Variants in C17orf67 observed in about 807,000 individuals in gnomAD.
C17orf67 encodes uncharacterized protein C17orf67.
C17orf67 carries 12 observed loss-of-function variants against 11.2 expected under a neutral mutation model. The ratio of observed to expected loss-of-function variants is 1.07; its 90% CI spans 0.68 to 1.73. The LOEUF is 1.73. Ranked by LOEUF, C17orf67 falls within the 40% of genes most tolerant of loss-of-function variation. The pLI, the probability that C17orf67 is intolerant of heterozygous loss-of-function variation, is 0.00. For synonymous variants in C17orf67, 59 were observed against 46.9 expected, an observed-to-expected ratio of 1.26 and a Z score of -1.05; for missense variants, 115 against 113.5, an observed-to-expected ratio of 1.01 and a Z score of -0.06.
chr17:56,800,038 C>G (rs952419002), intron 6 of C17orf67, among the ~76,000 whole-genome samples: 7 of 103,474 alleles, frequency 6.8e-5, no homozygotes, highest in Non-Finnish European at 1.5e-4. Context: ...CTTGATTTTT[C>G]TGTATCCTGT....
chr17:56,806,628 G>A (rs925629486), intron 6 of C17orf67, among the ~76,000 whole-genome samples: 3 of 152,056 alleles, frequency 2.0e-5, no homozygotes, highest in Middle Eastern at 3.2e-3. Context: ...GGGCTCAATC[G>A]ATCTCCCACC....
intron 2 of C17orf67, among the ~76,000 whole-genome samples, chr17:56,827,401 G>A (rs982339687): frequency 1.3e-5 from 2 of 152,226 alleles, no homozygotes; most frequent in African/African-American, 2.4e-5. Context: ...TTACTAGGCA[G>A]AGCCCTGTGG....
rs538073606 is a variant in C17orf67, at chr17:56,810,202, C to T, written c.156+4667G>A. On this transcript the variant is annotated intron_variant, in intron 6 of 7. Coordinates refer to ENST00000397861, the MANE Select transcript of C17orf67 (RefSeq NM_001085430.4). Reference sequence around the variant, plus strand: ...CTTGAACACACCCTTCACACACACACTCTCACACACACCATCACACCCCTC... The same window carrying T: ...CTTGAACACACCCTTCACACACACATTCTCACACACACCATCACACCCCTC... Among the ~76,000 whole-genome samples the T allele has an allele frequency of 8.6e-4, 128 of 149,026 alleles. 1 individual carries two copies. The highest frequency in any genetic ancestry group is 3.0e-3 in the African/African-American group (120 of 40,226).
At chr17:56,825,832 G>T (rs1329262136) in intron 2 of C17orf67, among the ~76,000 whole-genome samples, 1 of 152,054 alleles carries the variant, frequency 6.6e-6, no homozygotes, top group Non-Finnish European at 1.5e-5. Context: ...GAAAATAATG[G>T]AATAGACCAA....
chr17:56,817,914 G>A (rs1416114676), intron 4 of C17orf67, among the ~76,000 whole-genome samples: 1 of 150,988 alleles, frequency 6.6e-6, no homozygotes, highest in East Asian at 1.9e-4. Context: ...CACGAACTTG[G>A]CTCAGTACAG....
chr17:56,816,971 T>C lies in C17orf67; in HGVS notation c.-200-961A>G, dbSNP rs190684353. 6.9e-3 allele frequency among the ~76,000 whole-genome samples: 1,043 copies of C among 152,162 alleles called. 5 individuals carry two copies. The highest frequency in any genetic ancestry group is 0.013 in the South Asian group (62 of 4,796). On this transcript the variant is annotated intron_variant, in intron 4 of 7. Transcript: ENST00000397861. ...CTCAAGCGATCCTTCCACCTCAGCCTCCCGAGTAGCTGGGACTACAGGCAC... is the reference window on the plus strand; with the variant it reads ...CTCAAGCGATCCTTCCACCTCAGCCCCCCGAGTAGCTGGGACTACAGGCAC...
chr17:56,818,500 G>A (rs932621207), intron 4 of C17orf67, among the ~76,000 whole-genome samples: 1 of 151,984 alleles, frequency 6.6e-6, no homozygotes, highest in African/African-American at 2.4e-5. Flanking sequence ...ACTCAAGTCT[G>A]GACAACAGAA....
intron 5 of C17orf67, 62 bp from the exon 6 acceptor site, chr17:56,815,031 A>C: frequency 7.3e-7 from 1 of 1,370,864 alleles, no homozygotes; most frequent in Non-Finnish European, 1.0e-6. Context: ...AGCCATCTCA[A>C]CAGTCCAAGG....
intron 2 of C17orf67, among the ~76,000 whole-genome samples, chr17:56,832,515 T>C (rs1906240541): frequency 6.6e-6 from 1 of 152,188 alleles, no homozygotes; most frequent in African/African-American, 2.4e-5. Flanking sequence ...TCCTCCAACA[T>C]GCAATCACCA....
intron 5 of C17orf67, 145 bp downstream of exon 5, chr17:56,815,611 A>G (rs1317468524): frequency 3.6e-6 from 2 of 562,446 alleles, no homozygotes; most frequent in African/African-American, 4.0e-5. Context: ...CTGGAAGCCT[A>G]CTCTTATGGA....
chr17:56,799,995 AG>A (rs894343839), intron 6 of C17orf67, among the ~76,000 whole-genome samples: 2 of 149,824 alleles, frequency 1.3e-5, no homozygotes, highest in Admixed American at 6.7e-5. Flanking sequence ...AAAAAAAAAA[AG>A]AAAGTTATAA....
intron 2 of C17orf67, among the ~76,000 whole-genome samples, chr17:56,827,568 G>C (rs1047535577): frequency 1.3e-5 from 2 of 152,228 alleles, no homozygotes; most frequent in Non-Finnish European, 2.9e-5. Flanking sequence ...TGACTTGATT[G>C]ACCAAGTTAA....
intron 2 of C17orf67, among the ~76,000 whole-genome samples, chr17:56,829,540 G>A (rs553207554): frequency 6.6e-6 from 1 of 152,276 alleles, no homozygotes; most frequent in South Asian, 2.1e-4. Context: ...GGGCAGCGCT[G>A]TTCTCTCCCC....
At chr17:56,826,491 A>G (rs1160782305) in intron 2 of C17orf67, among the ~76,000 whole-genome samples, 15 of 152,144 alleles carry the variant, frequency 9.9e-5, no homozygotes, top group Admixed American at 6.5e-4. Flanking sequence ...TCACAATCCC[A>G]TCTAACACTC....
chr17:56,798,288 G>GT (rs1905250125), intron 6 of C17orf67, among the ~76,000 whole-genome samples: 1 of 148,966 alleles, frequency 6.7e-6, no homozygotes, highest in African/African-American at 2.5e-5. Context: ...CTTCTTGTGG[G>GT]GTTTTTTTTA....
intron 6 of C17orf67, 142 bp from the exon 7 acceptor site, chr17:56,795,322 C>T: frequency 2.8e-6 from 2 of 713,878 alleles, no homozygotes; most frequent in Non-Finnish European, 4.9e-6. Flanking sequence ...ACACCCATGC[C>T]TCTCTGTAGG....
At chr17:56,813,290 C>T (rs1222151073) in intron 6 of C17orf67, among the ~76,000 whole-genome samples, 1 of 151,946 alleles carries the variant, frequency 6.6e-6, no homozygotes, top group Non-Finnish European at 1.5e-5. Context: ...ACATGCTGCC[C>T]TTCCTTCACC....
chr17:56,816,346 C>A (rs1174247329), intron 4 of C17orf67, among the ~76,000 whole-genome samples: 1 of 152,114 alleles, frequency 6.6e-6, no homozygotes, highest in South Asian at 2.1e-4. Context: ...GAGTTCAAAT[C>A]CTAGCTTCAA....
At chr17:56,796,527 C>T (rs899658944) in intron 6 of C17orf67, among the ~76,000 whole-genome samples, 9 of 152,140 alleles carry the variant, frequency 5.9e-5, no homozygotes, top group African/African-American at 9.7e-5. Flanking sequence ...CTGTCCACAA[C>T]AGAAAGCAGC....
Sources: allele counts gnomAD v4.1 joint callset (sites outside exome capture counted in the v4.1 genomes callset), GRCh38; gene constraint gnomAD v4.1.1; transcripts MANE v1.5; gene names NCBI Gene and HGNC (gene_info 2026-07-23, HGNC 2026-07-21).